The following KCNQ1 variants were observed in gnomAD, a reference collection of about 807,000 sequenced individuals.
The protein encoded by KCNQ1 is potassium voltage-gated channel subfamily Q member 1.
Under a neutral mutation model 72.4 loss-of-function variants are expected in KCNQ1, and 49 were observed. That is an observed-to-expected ratio of 0.68 (90% CI 0.54 to 0.86). The LOEUF (loss-of-function observed/expected upper bound fraction) is 0.86, where lower values mean the gene tolerates loss of function less well. KCNQ1 is among the 40% of genes least tolerant of loss of function. The pLI is 0.00. For missense variants in KCNQ1, 790 were observed against 945.1 expected, an observed-to-expected ratio of 0.84 and a Z score of 2.15; for synonymous variants, 450 against 412.6, an observed-to-expected ratio of 1.09 and a Z score of -1.10.
At chr11:2,730,086 G>A (rs1367182071) in intron 11 of KCNQ1, among the ~76,000 whole-genome samples, 3 of 152,130 alleles carry the variant, frequency 2.0e-5, no homozygotes, top group East Asian at 1.9e-4. Context: ...CCCGAGTGCG[G>A]TGTGGTTGGC....
At chr11:2,755,742 G>T (rs1445512007) in intron 11 of KCNQ1, among the ~76,000 whole-genome samples, 1 of 152,142 alleles carries the variant, frequency 6.6e-6, no homozygotes, top group Admixed American at 6.5e-5. Flanking sequence ...CAAAGAAATG[G>T]ATATTCACAA....
intron 11 of KCNQ1, among the ~76,000 whole-genome samples, chr11:2,721,043 G>C (rs558198884): frequency 6.6e-6 from 1 of 152,262 alleles, no homozygotes; most frequent in East Asian, 1.9e-4. Context: ...GGCCCCAGAT[G>C]CAAGAAAGGG....
chr11:2,708,840 A>G (rs1430019346), intron 11 of KCNQ1, among the ~76,000 whole-genome samples: 1 of 152,092 alleles, frequency 6.6e-6, no homozygotes, highest in Non-Finnish European at 1.5e-5. Context: ...AAGCCTGGCA[A>G]CAGGGGCAGC....
chr11:2,550,588 C>T lies in KCNQ1; in HGVS notation c.478-20040C>T, dbSNP rs115101371. ...CAGGGTAGGGGAACAAATGCCAACA[C>T]GTGAGCTGAGTGACCGGAAGAGGGG... is the stretch of plus-strand genomic sequence containing the variant. On this transcript the variant is annotated intron_variant, in intron 2 of 15. Transcript: ENST00000155840. The surrounding 1 kb of genome is among the most constrained non-coding windows in gnomAD (Gnocchi z 6.0). Among the ~76,000 whole-genome samples the T allele has an allele frequency of 1.5e-3, 232 of 152,274 alleles. No individual in the cohort carries two copies. The highest frequency in any genetic ancestry group is 5.2e-3 in the African/African-American group (218 of 41,544).
At chr11:2,804,764 C>A (rs1023841788) in intron 15 of KCNQ1, among the ~76,000 whole-genome samples, 1 of 152,162 alleles carries the variant, frequency 6.6e-6, no homozygotes, top group South Asian at 2.1e-4. Context: ...CCTTCCCCTG[C>A]GCCCACACCC....
chr11:2,656,563 A>G (rs1013869260), intron 10 of KCNQ1: 6 of 398,530 alleles, frequency 1.5e-5, no homozygotes, highest in African/African-American at 2.1e-5. Context: ...CATGCTCATC[A>G]GCCTTTTGGA....
intron 1 of KCNQ1, among the ~76,000 whole-genome samples, chr11:2,453,189 C>T (rs1472840158): frequency 3.9e-5 from 6 of 152,148 alleles, no homozygotes; most frequent in South Asian, 2.1e-4. Flanking sequence ...GCCTGACCAA[C>T]GTGGTGAAAC....
At chr11:2,778,773 A>G (rs1846762884) in intron 15 of KCNQ1, among the ~76,000 whole-genome samples, 1 of 152,240 alleles carries the variant, frequency 6.6e-6, no homozygotes, top group Non-Finnish European at 1.5e-5. Context: ...CTGAGAGGCT[A>G]AAAATAGAGG....
rs1388546293 is a variant in KCNQ1, at chr11:2,509,446, G to T, written c.387-18482G>T. Among the ~76,000 whole-genome samples the T allele has an allele frequency of 6.6e-6, 1 of 152,134 alleles. No homozygotes were observed. The highest frequency in any genetic ancestry group is 1.5e-5 in the Non-Finnish European group (1 of 68,028). ...GGCCGTTGGCTGGGAGGCTGGGTCT[G>T]TGCTGTGTGGGGGGTGTTTGGTGTC... is the stretch of plus-strand genomic sequence containing the variant. On this transcript the variant is annotated intron_variant, in intron 1 of 15. Coordinates refer to ENST00000155840, the MANE Select transcript of KCNQ1 (RefSeq NM_000218.3). This position sits in a 1 kb window ranked among gnomAD's most constrained non-coding sequence, Gnocchi z 6.3.
In KCNQ1 at chr11:2,691,754, A is replaced by G. The variant is rs995940696; in HGVS notation, c.1514+29673A>G. The G allele has an allele frequency of 3.5e-5, 14 of 398,562 alleles. No individual in the cohort carries two copies. Among genetic ancestry groups the G allele is most frequent in the Non-Finnish European group, 6.2e-5 (14 of 226,176 alleles). The allele number at this position is 398,562 out of a possible 1,614,324, so 24.7% of individuals were successfully genotyped here. ...CCACACAGGCAGGGGACATTCCACT[A>G]GGGCCATTTGCAGGCCAGTGGCCAT... On this transcript the variant is annotated intron_variant, in intron 11 of 15. Transcript: ENST00000155840. The surrounding 1 kb of genome is among the most constrained non-coding windows in gnomAD (Gnocchi z 6.4).
intron 11 of KCNQ1, among the ~76,000 whole-genome samples, chr11:2,739,328 G>A (rs1158813389): frequency 6.6e-6 from 1 of 152,150 alleles, no homozygotes; most frequent in East Asian, 1.9e-4. Flanking sequence ...CAGGTGGCAG[G>A]CCCGAGATTG....
chr11:2,789,970 T>C (rs959768133), intron 15 of KCNQ1, among the ~76,000 whole-genome samples: 4 of 152,148 alleles, frequency 2.6e-5, no homozygotes, highest in African/African-American at 9.7e-5. Flanking sequence ...CATCCTCGGA[T>C]AGGTTGCCAT....
rs1849172783 is a variant in KCNQ1, at chr11:2,621,550, A to G, written c.1393+32696A>G. The G allele has an allele frequency of 5.0e-6, 2 of 398,256 alleles. No homozygotes were observed. Among genetic ancestry groups the G allele is most frequent in the South Asian group, 1.3e-4 (1 of 7,854 alleles). 24.7% of individuals were successfully genotyped at this position (398,256 alleles called of 1,614,324 possible). ...TTGCTATGCAGAAGCTCTTTAGTTT[A>G]CCACTGTGATCTCTTTGCTATTGGT... On this transcript the variant is annotated intron_variant, in intron 10 of 15. Transcript: ENST00000155840. This position sits in a 1 kb window ranked among gnomAD's most constrained non-coding sequence, Gnocchi z 5.7.
Position 2,769,133 on chromosome 11 carries a change from G to A in KCNQ1, c.1590+214G>A, listed in dbSNP as rs372841804. Among the ~76,000 whole-genome samples, 7 of 152,080 alleles carry A rather than the reference G, an allele frequency of 4.6e-5. No individual in the cohort carries two copies. Among genetic ancestry groups the A allele is most frequent in the East Asian group, 1.9e-4 (1 of 5,170 alleles). On this transcript the variant is annotated intron_variant, in intron 12 of 15. Coordinates refer to ENST00000155840, the MANE Select transcript of KCNQ1 (RefSeq NM_000218.3). The surrounding 1 kb of genome is among the most constrained non-coding windows in gnomAD (Gnocchi z 4.6). The stretch of plus-strand genomic sequence containing the variant: ...TCAGAGGACCTATCCTTGGAGGCCC[G>A]GCCTGGAACCAGGGACACATGCAGT...
chr11:2,470,708 G>GGA (rs1554883440), intron 1 of KCNQ1, among the ~76,000 whole-genome samples: 10 of 137,744 alleles, frequency 7.3e-5, no homozygotes, highest in African/African-American at 2.2e-4. Flanking sequence ...GTTAGGTGGG[G>GGA]GGGGGGGTGC....
rs1849228179 is a variant in KCNQ1 at position 2,624,370 on chromosome 11, C to T, written c.1393+35516C>T. On this transcript the variant is annotated intron_variant, in intron 10 of 15. Coordinates refer to ENST00000155840, the MANE Select transcript of KCNQ1 (RefSeq NM_000218.3). The surrounding 1 kb of genome is among the most constrained non-coding windows in gnomAD (Gnocchi z 4.9). ...TATTGTCTCCCTTCTGTGGCCTGTC[C>T]TTTCATCCTCTTGACAGTATGTTTT... 1.3e-5 allele frequency: 5 copies of T among 398,304 alleles called. No individual in the cohort carries two copies. Among genetic ancestry groups the T allele is most frequent in the Middle Eastern group, 6.2e-4 (1 of 1,610 alleles). The allele number at this position is 398,304 out of a possible 1,614,324, so 24.7% of individuals were successfully genotyped here. A position where few individuals can be genotyped will look rare whatever the true frequency, so the allele number is the denominator to read the frequency against.
chr11:2,646,861 A>C (rs996476689), intron 10 of KCNQ1: 12 of 398,482 alleles, frequency 3.0e-5, no homozygotes, highest in Non-Finnish European at 4.0e-5. Flanking sequence ...AACTTTATTG[A>C]ATTCCTTTAC....
chr11:2,572,253 C>T, intron 5 of KCNQ1, 144 bp downstream of exon 5: 1 of 639,372 alleles, frequency 1.6e-6, no homozygotes, highest in Admixed American at 2.5e-5. Flanking sequence ...GAACGGGGCC[C>T]AGGATCTCAG....
Position 2,847,978 on chromosome 11 carries a change from GGAGGGGCCCCGAT to G in KCNQ1, c.2013_2025del (p.Asp673GlufsTer12), listed in dbSNP as rs1564916607. ...ACCTACGAGCAGCTGACCGTGCCCA[GGAGGGGCCCCGAT>G]GAGGGGTCCTGAGGAGGGGATGGGG... On this transcript the variant is annotated frameshift_variant, in exon 16 of 16. Coordinates refer to ENST00000155840, the MANE Select transcript of KCNQ1 (RefSeq NM_000218.3). LOFTEE classifies it high-confidence loss of function. 1 of 1,554,418 alleles carries G rather than the reference GGAGGGGCCCCGAT, an allele frequency of 6.4e-7. No individual in the cohort carries two copies. The highest frequency in any genetic ancestry group is 8.7e-7 in the Non-Finnish European group (1 of 1,147,674).
Sources: allele counts gnomAD v4.1 joint callset (sites outside exome capture counted in the v4.1 genomes callset), GRCh38; gene constraint gnomAD v4.1.1; non-coding constraint Gnocchi (gnomAD v3.1); transcripts MANE v1.5; gene names NCBI Gene and HGNC (gene_info 2026-07-23, HGNC 2026-07-21).